The following ADAMTS3 variants were observed in gnomAD, a reference collection of about 807,000 sequenced individuals.
ADAMTS3 encodes the protein A disintegrin and metalloproteinase with thrombospondin motifs 3.
Under a neutral mutation model 129.0 loss-of-function variants are expected in ADAMTS3, and 73 were observed. The ratio of observed to expected loss-of-function variants is 0.57; its 90% CI spans 0.47 to 0.69. ADAMTS3 has a LOEUF of 0.69. Among genes scored for constraint, ADAMTS3 ranks in the 30% least tolerant of loss-of-function variants. The pLI, the probability that ADAMTS3 is intolerant of heterozygous loss-of-function variation, is 0.00. For synonymous variants in ADAMTS3, 477 were observed against 510.8 expected (o/e 0.93, Z 0.89); for missense variants, 1,457 against 1,514.5 (o/e 0.96, Z 0.63).
intron 3 of ADAMTS3, among the ~76,000 whole-genome samples, chr4:72,506,994 G>A (rs947761094): frequency 6.6e-6 from 1 of 152,116 alleles, no homozygotes; most frequent in Admixed American, 6.5e-5. Context: ...TTTTCTTTGA[G>A]GGGAGAAAAG....
chr4:72,502,700 AAT>A (rs776027608), intron 3 of ADAMTS3, among the ~76,000 whole-genome samples: 36 of 152,064 alleles, frequency 2.4e-4, no homozygotes, highest in Non-Finnish European at 4.9e-4. Context: ...TTAGATCATT[AAT>A]TTGAGATCTT....
chr4:72,521,523 G>A (rs754064752), intron 3 of ADAMTS3, among the ~76,000 whole-genome samples: 1 of 152,116 alleles, frequency 6.6e-6, no homozygotes, highest in East Asian at 1.9e-4. Context: ...AAAGTATTTA[G>A]CATATTGTGT....
intron 3 of ADAMTS3, among the ~76,000 whole-genome samples, chr4:72,532,053 C>CA (rs34075436): frequency 0.34 from 42,816 of 124,962 alleles, 6,213 homozygotes; most frequent in Middle Eastern, 0.43. Context: ...GTATTACAGA[C>CA]AAAAAAAAAA....
At chr4:72,337,910 C>T (rs984481960) in intron 5 of ADAMTS3, among the ~76,000 whole-genome samples, 1 of 152,038 alleles carries the variant, frequency 6.6e-6, no homozygotes, top group Non-Finnish European at 1.5e-5. Context: ...TCTTATTAGG[C>T]ACATTTGCAA....
At chr4:72,562,087 A>G (rs894609147) in intron 2 of ADAMTS3, among the ~76,000 whole-genome samples, 1 of 152,204 alleles carries the variant, frequency 6.6e-6, no homozygotes, top group Non-Finnish European at 1.5e-5. Context: ...GTACTAATAA[A>G]ATTACAAAAA....
At chr4:72,357,451 T>G (rs917796219) in intron 4 of ADAMTS3, among the ~76,000 whole-genome samples, 1 of 151,866 alleles carries the variant, frequency 6.6e-6, no homozygotes, top group Non-Finnish European at 1.5e-5. Flanking sequence ...AAGAACAAAT[T>G]ACTACTACAT....
intron 2 of ADAMTS3, among the ~76,000 whole-genome samples, chr4:72,549,415 A>C (rs1387025886): frequency 6.6e-6 from 1 of 152,138 alleles, no homozygotes; most frequent in Admixed American, 6.6e-5. Flanking sequence ...TTTTTCCACC[A>C]TAACAACCCT....
chr4:72,446,072 C>T (rs1475062832), intron 3 of ADAMTS3, among the ~76,000 whole-genome samples: 1 of 151,676 alleles, frequency 6.6e-6, no homozygotes, highest in East Asian at 2.0e-4. Context: ...CCCTCATTGA[C>T]TCAGTTGCTC....
intron 21 of ADAMTS3, among the ~76,000 whole-genome samples, chr4:72,287,424 G>A (rs1718535048): frequency 6.6e-6 from 1 of 151,222 alleles, no homozygotes; most frequent in Admixed American, 6.6e-5. Context: ...TAAAGAAAGA[G>A]AAAGGGAGAG....
chr4:72,529,083 G>T (rs972241222), intron 3 of ADAMTS3, among the ~76,000 whole-genome samples: 9 of 152,084 alleles, frequency 5.9e-5, no homozygotes, highest in Admixed American at 4.6e-4. Context: ...ACACTCAAAT[G>T]ATGAATATGA....
At chr4:72,379,334 C>A (rs1251773052) in intron 4 of ADAMTS3, among the ~76,000 whole-genome samples, 2 of 151,632 alleles carry the variant, frequency 1.3e-5, no homozygotes, top group East Asian at 1.9e-4. Context: ...CAAGGCAAAG[C>A]AAGTGGTTGA....
At chr4:72,515,380 T>C (rs984340076) in intron 3 of ADAMTS3, among the ~76,000 whole-genome samples, 1 of 151,874 alleles carries the variant, frequency 6.6e-6, no homozygotes, top group Non-Finnish European at 1.5e-5. Flanking sequence ...CAAATGGTAT[T>C]TCTAGTTCTA....
intron 2 of ADAMTS3, among the ~76,000 whole-genome samples, chr4:72,554,181 T>C (rs1721709480): frequency 6.6e-6 from 1 of 152,232 alleles, no homozygotes; most frequent in South Asian, 2.1e-4. Context: ...GATATGCATA[T>C]AAATTTGTGC....
At chr4:72,444,152 T>C (rs1467993319) in intron 3 of ADAMTS3, among the ~76,000 whole-genome samples, 1 of 151,728 alleles carries the variant, frequency 6.6e-6, no homozygotes, top group Non-Finnish European at 1.5e-5. Flanking sequence ...GCACTTCCCT[T>C]CTGAGGAACA....
chr4:72,380,145 T>C (rs1367982502), intron 4 of ADAMTS3, among the ~76,000 whole-genome samples: 2 of 152,298 alleles, frequency 1.3e-5, no homozygotes, highest in South Asian at 2.1e-4. Context: ...AAACACATAG[T>C]ATGAATATTT....
chr4:72,413,509 A>T (rs181356302), intron 4 of ADAMTS3, among the ~76,000 whole-genome samples: 1 of 152,172 alleles, frequency 6.6e-6, no homozygotes, highest in Admixed American at 6.6e-5. Context: ...TAATGCTTCA[A>T]CTTTAACAAA....
intron 4 of ADAMTS3, among the ~76,000 whole-genome samples, chr4:72,348,964 A>G (rs1001003983): frequency 1.1e-4 from 17 of 152,074 alleles, no homozygotes; most frequent in Admixed American, 9.8e-4. Flanking sequence ...GCCTTGTGAT[A>G]AATTAAGCAA....
At chr4:72,482,719 C>G (rs6852604) in intron 3 of ADAMTS3, among the ~76,000 whole-genome samples, 93,114 of 151,772 alleles carry the variant, frequency 0.61, 29,409 homozygotes, top group South Asian at 0.79. Flanking sequence ...ATAACTATCT[C>G]AAAAAGGTTT....
rs1398801783 is a variant in ADAMTS3 at position 72,309,447 on chromosome 4, G to A, written c.2129C>T (p.Ser710Phe). ...TGTCCCCTTCACGGTTCGGCAGTGG[G>A]AATTATCTCCTCCACAGACACCACA... ...DKCGVCGGDN[S>F]HCRTVKGTFT... The change falls in exon 15 of 22, where the codon TCC becomes TTC. Residue 710 changes from serine to phenylalanine, a missense_variant. Transcript: ENST00000286657. 5.0e-6 allele frequency: 8 copies of A among 1,611,936 alleles called. No homozygotes were observed. The highest frequency in any genetic ancestry group is 1.3e-5 in the African/African-American group (1 of 74,738).
Sources: allele counts gnomAD v4.1 joint callset (sites outside exome capture counted in the v4.1 genomes callset), GRCh38; gene constraint gnomAD v4.1.1; transcripts MANE v1.5; gene names NCBI Gene and HGNC (gene_info 2026-07-23, HGNC 2026-07-21).